SMARCA4: variants seen among roughly 807,000 people sequenced by gnomAD.
SMARCA4 encodes SWI/SNF-related matrix-associated actin-dependent regulator of chromatin subfamily A member 4.
A neutral mutation model predicts 193.9 loss-of-function variants in SMARCA4; 31 were observed. The observed-to-expected ratio is 0.16, with a 90% CI of 0.12 to 0.22. SMARCA4 has a LOEUF of 0.22. Ranked by LOEUF, SMARCA4 falls within the 10% of genes least tolerant of loss-of-function variation. The probability of loss-of-function intolerance (pLI) is 1.00; values close to 1 mark genes in which losing one functional copy is unlikely to be tolerated. For synonymous variants in SMARCA4, 942 were observed against 933.1 expected, an observed-to-expected ratio of 1.01 and a Z score of -0.17; for missense variants, 1,148 against 2,296.0, an observed-to-expected ratio of 0.50 and a Z score of 10.22.
intron 1 of SMARCA4, among the ~76,000 whole-genome samples, chr19:10,977,275 C>T (rs183773099): frequency 1.3e-5 from 2 of 152,024 alleles, no homozygotes; most frequent in African/African-American, 2.4e-5. Context: ...GTGTTACCTG[C>T]GGTTTGTGCT....
At chr19:10,964,347 G>A (rs1390090987) in intron 1 of SMARCA4, among the ~76,000 whole-genome samples, 2 of 151,646 alleles carry the variant, frequency 1.3e-5, no homozygotes, top group Non-Finnish European at 2.9e-5. Flanking sequence ...TCTTACTCTT[G>A]TTGCCCAGGC....
intron 11 of SMARCA4, among the ~76,000 whole-genome samples, chr19:11,001,623 G>A (rs1397647358): frequency 6.6e-6 from 1 of 152,020 alleles, no homozygotes; most frequent in Admixed American, 6.6e-5. Flanking sequence ...GACTGAGGCA[G>A]CCTGCAGAGC....
chr19:10,963,391 AG>A (rs377189191), intron 1 of SMARCA4, among the ~76,000 whole-genome samples: 16 of 142,674 alleles, frequency 1.1e-4, no homozygotes, highest in Non-Finnish European at 1.9e-4. Flanking sequence ...AAAAAAAAAA[AG>A]AAAAAGAAAG....
chr19:11,019,322 A>G lies in SMARCA4; in HGVS notation c.2506-269A>G. The stretch of plus-strand genomic sequence containing the variant: ...AGAGGGGAGCCTGTCAGCCACCAGG[A>G]ATGTGCAGATGGCGGTGCAGGCTGC... On this transcript the variant is annotated intron_variant, in intron 17 of 34. Transcript: ENST00000344626. The surrounding 1 kb of genome is among the most constrained non-coding windows in gnomAD (Gnocchi z 6.1). The G allele has an allele frequency of 1.7e-6, 1 of 606,020 alleles. No individual in the cohort carries two copies. Among genetic ancestry groups the G allele is most frequent in the Admixed American group, 2.8e-5 (1 of 36,126 alleles). 37.5% of individuals were successfully genotyped at this position (606,020 alleles called of 1,614,324 possible). A position where few individuals can be genotyped will look rare whatever the true frequency, so the allele number is the denominator to read the frequency against.
intron 1 of SMARCA4, among the ~76,000 whole-genome samples, chr19:10,965,970 G>GTTTTTTTTTTT (rs372236923): frequency 2.5e-5 from 2 of 78,934 alleles, no homozygotes; most frequent in African/African-American, 9.4e-5. Context: ...TAGTGGCATG[G>GTTTTTTTTTTT]TTTTTTTTTT....
intron 1 of SMARCA4, chr19:10,961,452 G>C (rs2083794243): frequency 6.6e-6 from 1 of 151,704 alleles, no homozygotes. Context: ...GCGCGCTCTC[G>C]CCGGGGTCGC....
chr19:10,995,308 G>A lies in SMARCA4; in HGVS notation c.1593+307G>A, dbSNP rs1179841435. 1.8e-5 allele frequency: 10 copies of A among 560,258 alleles called. No homozygotes were observed. In the East Asian group the frequency reaches 2.1e-4, roughly 11 times the overall value. The allele number at this position is 560,258 out of a possible 1,614,324, so 34.7% of individuals were successfully genotyped here. On this transcript the variant is annotated intron_variant, in intron 9 of 34. Coordinates refer to ENST00000344626, the MANE Select transcript of SMARCA4 (RefSeq NM_003072.5). Reference sequence around the variant, plus strand: ...GCCAGGTGGTGTGATCCAGACCCCCGACCCCTAGCATAAACATCTCTGACC... The same window carrying A: ...GCCAGGTGGTGTGATCCAGACCCCCAACCCCTAGCATAAACATCTCTGACC...
chr19:10,983,936 G>C (rs895520026), intron 1 of SMARCA4, among the ~76,000 whole-genome samples, 185 bp from the exon 2 acceptor site: 6 of 152,142 alleles, frequency 3.9e-5, no homozygotes, highest in African/African-American at 1.4e-4. Flanking sequence ...GACTGATCTT[G>C]TGTGCCTGAG....
At chr19:11,009,456 G>C (rs562468701) in intron 14 of SMARCA4, among the ~76,000 whole-genome samples, 6 of 152,156 alleles carry the variant, frequency 3.9e-5, no homozygotes, top group Non-Finnish European at 7.3e-5. Flanking sequence ...TAGAAAGGGT[G>C]GGTTCTATGA....
chr19:11,049,517 C>T (rs544159653), intron 30 of SMARCA4, among the ~76,000 whole-genome samples: 2 of 147,174 alleles, frequency 1.4e-5, no homozygotes, highest in African/African-American at 2.5e-5. Context: ...CAGAGTCTTG[C>T]TCTGTAGCCC....
At chr19:11,046,652 T>C (rs928445628) in intron 30 of SMARCA4, among the ~76,000 whole-genome samples, 6 of 152,138 alleles carry the variant, frequency 3.9e-5, no homozygotes, top group Non-Finnish European at 8.8e-5. Context: ...TCAGGAAAGA[T>C]AGTCGTTGAA....
At chr19:10,993,801 A>G (rs556892905) in intron 8 of SMARCA4, among the ~76,000 whole-genome samples, 3 of 151,790 alleles carry the variant, frequency 2.0e-5, no homozygotes, top group East Asian at 3.9e-4. Flanking sequence ...GCCAGCCACC[A>G]CGCCCGGCTA....
intron 1 of SMARCA4, among the ~76,000 whole-genome samples, chr19:10,976,140 A>G (rs1435601289): frequency 1.3e-5 from 2 of 152,198 alleles, no homozygotes; most frequent in African/African-American, 4.8e-5. Flanking sequence ...TGGCCACCCC[A>G]GGACTTTGCT....
At position 10,994,318 on chromosome 19, in the gene SMARCA4, G is replaced by GTTT. The variant is rs1006312137; in HGVS notation, c.1420-489_1420-487dup. On this transcript the variant is annotated intron_variant, in intron 8 of 34. Transcript: ENST00000344626. The stretch of plus-strand genomic sequence containing the variant: ...TCAGCCTCCCAAAGCGATATTCTAG[G>GTTT]TTTTTTTTTTTTTTTTTTTTTTTGA... Among the ~76,000 whole-genome samples, 138 of 98,894 alleles carry GTTT rather than the reference G, an allele frequency of 1.4e-3. 1 individual carries two copies. Among genetic ancestry groups the GTTT allele is most frequent in the African/African-American group, 2.2e-3 (54 of 24,342 alleles). The allele number at this position is 98,894 out of a possible 152,430, so 64.9% of individuals were successfully genotyped here.
chr19:11,011,232 C>CT (rs74180004), intron 15 of SMARCA4: 1,987 of 146,954 alleles, frequency 0.014, 17 homozygotes, highest in Admixed American at 0.02. Flanking sequence ...CTTTTCTTTT[C>CT]TTTTTTTTTT....
At chr19:11,002,924 A>G (rs1479568614) in intron 11 of SMARCA4, 105 bp from the exon 12 acceptor site, 1 of 1,325,252 alleles carries the variant, frequency 7.5e-7, no homozygotes, top group Non-Finnish European at 1.1e-6. Flanking sequence ...TTTGCCTGCC[A>G]TTTTCTGTGC....
rs2086021985 is a variant in SMARCA4 at position 10,986,261 on chromosome 19, C to A, written c.428C>A (p.Pro143His). The stretch of plus-strand genomic sequence containing the variant: ...CCAGCCAGTGGCCCGTCTTCGGGGC[C>A]CCAGATGTCTTCCGGGCCAGGAGGT... ...PVPASGPSSG[P>H]QMSSGPGGAP... The change falls in exon 4 of 35, where the codon CCC becomes CAC. Residue 143 changes from proline to histidine, a missense_variant. Transcript: ENST00000344626. This position sits in a 1 kb window ranked among gnomAD's most constrained non-coding sequence, Gnocchi z 6.7. 6.2e-7 allele frequency: 1 copy of A among 1,613,770 alleles called. No homozygotes were observed. The highest frequency in any genetic ancestry group is 1.3e-5 in the African/African-American group (1 of 74,924).
intron 8 of SMARCA4, among the ~76,000 whole-genome samples, chr19:10,993,674 C>G (rs949884419): frequency 6.6e-6 from 1 of 151,924 alleles, no homozygotes; most frequent in Non-Finnish European, 1.5e-5. Flanking sequence ...GAGACGGAGT[C>G]TCGCTCTGTC....
In SMARCA4 at chr19:11,061,276, C is replaced by A. The variant is rs73502618; in HGVS notation, c.4912-508C>A. On this transcript the variant is annotated intron_variant, in intron 34 of 34. Coordinates refer to ENST00000344626, the MANE Select transcript of SMARCA4 (RefSeq NM_003072.5). ...AAAGATCTTTCACAGTCAGGAAGAA[C>A]CAAGATGGTTTGGAAGCTGTAGGTC... 2.6e-3 allele frequency among the ~76,000 whole-genome samples: 352 copies of A among 133,118 alleles called. 5 individuals are homozygous for A. Among genetic ancestry groups the A allele is most frequent in the African/African-American group, 9.6e-3 (335 of 34,948 alleles). The allele number at this position is 133,118 out of a possible 152,430, so 87.3% of individuals were successfully genotyped here.
Sources: gnomAD v4.1 joint callset for allele counts (sites outside exome capture counted in the v4.1 genomes callset) on GRCh38, gnomAD v4.1.1 for gene constraint, Gnocchi (gnomAD v3.1) non-coding constraint, MANE v1.5 for transcripts, NCBI Gene and HGNC (gene_info 2026-07-23, HGNC 2026-07-21) for gene names.